CRADD: variants seen among roughly 807,000 people sequenced by gnomAD.
CRADD encodes the protein death domain-containing protein CRADD.
CRADD carries 9 observed loss-of-function variants against 15.5 expected under a neutral mutation model. The observed-to-expected ratio is 0.58, with a 90% CI of 0.35 to 1.01. The LOEUF (loss-of-function observed/expected upper bound fraction) is 1.01, where lower values mean the gene tolerates loss of function less well. Ranked by LOEUF, CRADD falls within the 50% of genes least tolerant of loss-of-function variation. The pLI is 0.02. For synonymous variants in CRADD, 118 were observed against 107.6 expected (o/e 1.10, Z -0.60); for missense variants, 227 against 250.3 (o/e 0.91, Z 0.63).
intron 2 of CRADD, among the ~76,000 whole-genome samples, chr12:93,859,065 ATTGT>A (rs1258846879): frequency 6.6e-6 from 1 of 152,198 alleles, no homozygotes; most frequent in Non-Finnish European, 1.5e-5. Flanking sequence ...TAGGCTGTTC[ATTGT>A]TTGAAGCAAT....
At chr12:93,836,894 G>T (rs986801637) in intron 2 of CRADD, among the ~76,000 whole-genome samples, 2 of 152,206 alleles carry the variant, frequency 1.3e-5, no homozygotes, top group Admixed American at 1.3e-4. Flanking sequence ...GGGGCAGGCA[G>T]CGACAGTAAA....
At chr12:93,878,954 T>C (rs1227830510) in intron 2 of CRADD, among the ~76,000 whole-genome samples, 1 of 152,218 alleles carries the variant, frequency 6.6e-6, no homozygotes, top group Non-Finnish European at 1.5e-5. Context: ...GGGGGGAAGA[T>C]AGGTGGCACT....
At chr12:93,891,198 T>A (rs893697783) in intron 2 of CRADD, among the ~76,000 whole-genome samples, 3 of 152,008 alleles carry the variant, frequency 2.0e-5, no homozygotes, top group African/African-American at 7.3e-5. Context: ...TCAGAATAAA[T>A]CTTTTCAATG....
In CRADD at chr12:93,679,003, C is replaced by T; in HGVS notation, c.229C>T (p.Gln77Ter). ...ATTTGATACATTCCTAGATTCCCTA[C>T]AGGAGTTTCCCTGGGTCAGGGAGAA... ...KAFDTFLDSL[Q>*]EFPWVREKLK... The change falls in exon 2 of 3, where the codon CAG becomes TAG. Residue 77 changes from glutamine (Q) to a stop codon, truncating the protein, a stop_gained. Transcript: ENST00000332896. LOFTEE classifies it high-confidence loss of function. 6.2e-7 allele frequency: 1 copy of T among 1,614,052 alleles called. No individual in the cohort carries two copies. The highest frequency in any genetic ancestry group is 8.5e-7 in the Non-Finnish European group (1 of 1,179,906).
chr12:93,846,581 A>AACACACACACACACACAC (rs746253043), intron 2 of CRADD: 8 of 136,704 alleles, frequency 5.9e-5, no homozygotes, highest in South Asian at 2.4e-4. Flanking sequence ...TTAAAACCAG[A>AACACACACACACACACAC]ACACACACAC....
chr12:93,769,332 C>T (rs1249699077), intron 2 of CRADD, among the ~76,000 whole-genome samples: 1 of 152,178 alleles, frequency 6.6e-6, no homozygotes, highest in Non-Finnish European at 1.5e-5. Flanking sequence ...GATCCACTCG[C>T]CCCGCCCTCC....
At chr12:93,721,346 C>G (rs926202933) in intron 2 of CRADD, among the ~76,000 whole-genome samples, 2 of 152,116 alleles carry the variant, frequency 1.3e-5, no homozygotes, top group Non-Finnish European at 2.9e-5. Flanking sequence ...CAGTGTATTT[C>G]ATTATAATAA....
At chr12:93,683,134 G>A (rs1955358086) in intron 2 of CRADD, among the ~76,000 whole-genome samples, 1 of 152,180 alleles carries the variant, frequency 6.6e-6, no homozygotes, top group South Asian at 2.1e-4. Flanking sequence ...GCACTGACAG[G>A]CTCCCTCCAG....
At chr12:93,860,308 C>A (rs1232287500) in intron 2 of CRADD, among the ~76,000 whole-genome samples, 1 of 152,186 alleles carries the variant, frequency 6.6e-6, no homozygotes, top group African/African-American at 2.4e-5. Context: ...AACACAGCTC[C>A]TTTTACTTTC....
chr12:93,727,569 G>T (rs965490075), intron 2 of CRADD, among the ~76,000 whole-genome samples: 1 of 152,170 alleles, frequency 6.6e-6, no homozygotes. Context: ...GGGCTTTAAG[G>T]AATCTAGAGC....
chr12:93,729,122 C>T (rs184076567), intron 2 of CRADD, among the ~76,000 whole-genome samples: 12 of 152,268 alleles, frequency 7.9e-5, no homozygotes, highest in Admixed American at 2.6e-4. Flanking sequence ...CACATTAGCT[C>T]AGGTCAAGTT....
At chr12:93,688,494 C>CAAA (rs143174603) in intron 2 of CRADD, among the ~76,000 whole-genome samples, 4 of 80,590 alleles carry the variant, frequency 5.0e-5, no homozygotes, top group Non-Finnish European at 1.0e-4. Flanking sequence ...GACCCTGTCT[C>CAAA]AAAAAAAAAA....
At chr12:93,684,414 T>C (rs532077251) in intron 2 of CRADD, among the ~76,000 whole-genome samples, 8 of 152,320 alleles carry the variant, frequency 5.3e-5, no homozygotes, top group African/African-American at 1.7e-4. Context: ...GAGAGTCTAA[T>C]GCCACTGCTG....
intron 2 of CRADD, among the ~76,000 whole-genome samples, chr12:93,802,214 G>A (rs1227446612): frequency 6.6e-6 from 1 of 152,150 alleles, no homozygotes. Flanking sequence ...CCCAGTAGTG[G>A]GATTGCTGGA....
intron 2 of CRADD, among the ~76,000 whole-genome samples, chr12:93,715,157 A>G (rs932232747): frequency 6.6e-6 from 1 of 152,180 alleles, no homozygotes; most frequent in African/African-American, 2.4e-5. Flanking sequence ...CTTTTTAGAG[A>G]AGAAAAAATT....
chr12:93,732,510 G>T (rs1464018325), intron 2 of CRADD, among the ~76,000 whole-genome samples: 1 of 152,218 alleles, frequency 6.6e-6, no homozygotes, highest in Non-Finnish European at 1.5e-5. Context: ...TCTTAATGCA[G>T]TAGTTATTTT....
chr12:93,770,781 T>A (rs1282188804), intron 2 of CRADD, among the ~76,000 whole-genome samples: 6 of 152,202 alleles, frequency 3.9e-5, no homozygotes, highest in Non-Finnish European at 7.3e-5. Flanking sequence ...CCTTCACATT[T>A]CCAAATGAAA....
At chr12:93,753,150 G>A (rs895072639) in intron 2 of CRADD, among the ~76,000 whole-genome samples, 1 of 152,036 alleles carries the variant, frequency 6.6e-6, no homozygotes, top group African/African-American at 2.4e-5. Flanking sequence ...GTCTTACATG[G>A]TGGCAGGCGA....
rs150475878 is a variant in CRADD, at chr12:93,689,852, C to T, written c.298+10780C>T. 1.6e-3 allele frequency among the ~76,000 whole-genome samples: 237 copies of T among 152,222 alleles called. 4 individuals carry two copies. The highest frequency in any genetic ancestry group is 0.013 in the South Asian group (65 of 4,820). On this transcript the variant is annotated intron_variant, in intron 2 of 2. Transcript: ENST00000332896. ...GTGGAGAATTATAGATCAAGTAGAG[C>T]GTATCTGCAGTGACTTGTCCTGTTG...
Sources: allele counts gnomAD v4.1 joint callset (sites outside exome capture counted in the v4.1 genomes callset), GRCh38; gene constraint gnomAD v4.1.1; transcripts MANE v1.5; gene names NCBI Gene and HGNC (gene_info 2026-07-23, HGNC 2026-07-21).